Variants in SHQ1 observed in about 807,000 individuals in gnomAD.
SHQ1 encodes SHQ1, H/ACA ribonucleoprotein assembly factor, also known as protein SHQ1 homolog.
A neutral mutation model predicts 53.8 loss-of-function variants in SHQ1; 49 were observed. The ratio of observed to expected loss-of-function variants is 0.91; its 90% CI spans 0.72 to 1.16. The LOEUF is 1.16. SHQ1 is among the 50% of genes most tolerant of loss of function. SHQ1 has a pLI of 0.00. For synonymous variants in SHQ1, 243 were observed against 251.0 expected, an observed-to-expected ratio of 0.97 and a Z score of 0.30; for missense variants, 738 against 683.1, an observed-to-expected ratio of 1.08 and a Z score of -0.90.
the SHQ1 span, among the ~76,000 whole-genome samples, chr3:72,743,079 C>T: frequency 6.6e-6 from 1 of 152,202 alleles, no homozygotes; most frequent in African/African-American, 2.4e-5. Flanking sequence ...TAGAGATGCA[C>T]ATCCAGAATG....
chr3:72,825,365 C>CACAT (rs1177648052), intron 5 of SHQ1, among the ~76,000 whole-genome samples: 23 of 143,296 alleles, frequency 1.6e-4, no homozygotes, highest in African/African-American at 6.3e-4. Context: ...AGGGGCTACA[C>CACAT]ACACACACAC....
At chr3:72,807,669 A>G (rs887661320) in intron 9 of SHQ1, among the ~76,000 whole-genome samples, 2 of 152,200 alleles carry the variant, frequency 1.3e-5, no homozygotes, top group African/African-American at 2.4e-5. Flanking sequence ...GTCTCCTCCA[A>G]ACTTGGAGCT....
At chr3:72,840,456 T>C (rs948436262) in intron 4 of SHQ1, among the ~76,000 whole-genome samples, 2 of 150,482 alleles carry the variant, frequency 1.3e-5, no homozygotes, top group African/African-American at 4.9e-5. Context: ...CTCAGGAGGC[T>C]GAGGCAGAAG....
At chr3:72,831,319 T>C (rs17043990) in intron 5 of SHQ1, among the ~76,000 whole-genome samples, 4,539 of 152,290 alleles carry the variant, frequency 0.03, 197 homozygotes, top group African/African-American at 0.089. Context: ...TCACAGGAGA[T>C]AGAATGTTAA....
intron 10 of SHQ1, among the ~76,000 whole-genome samples, chr3:72,782,289 T>C (rs940927311): frequency 2.0e-5 from 3 of 152,246 alleles, no homozygotes; most frequent in African/African-American, 7.2e-5. Context: ...TTTCTCTCAA[T>C]GCTCTGCTAA....
chr3:72,828,068 C>T (rs1006040032), intron 5 of SHQ1, among the ~76,000 whole-genome samples: 2 of 152,012 alleles, frequency 1.3e-5, no homozygotes, highest in Non-Finnish European at 2.9e-5. Flanking sequence ...TCAAGACTTT[C>T]AAGGTCACTA....
rs1238021665 is a variant in SHQ1 at position 72,749,297 on chromosome 3, C to T, written c.*987G>A. The T allele has an allele frequency of 2.6e-5, 6 of 226,726 alleles. No individual in the cohort carries two copies. In the South Asian group the frequency reaches 9.2e-4, roughly 35 times the overall value. 14.0% of individuals were successfully genotyped at this position (226,726 alleles called of 1,614,324 possible). Reference sequence around the variant, plus strand: ...AAGACTTGTACACAAATGTTCATAACAGCTTTATTTATAACAGCCCCAAAC... The same window carrying T: ...AAGACTTGTACACAAATGTTCATAATAGCTTTATTTATAACAGCCCCAAAC... On this transcript the variant is annotated 3_prime_UTR_variant, in exon 11 of 11. Coordinates refer to ENST00000325599, the MANE Select transcript of SHQ1 (RefSeq NM_018130.3).
At chr3:72,833,447 TAG>T (rs1707885160) in intron 4 of SHQ1, among the ~76,000 whole-genome samples, 2 of 51,238 alleles carry the variant, frequency 3.9e-5, no homozygotes, top group Non-Finnish European at 7.4e-5. Context: ...TCAGAGATGA[TAG>T]ATAGATAGAT....
chr3:72,772,998 T>C (rs185271291), intron 10 of SHQ1: 106 of 1,176,416 alleles, frequency 9.0e-5, no homozygotes, highest in Non-Finnish European at 6.3e-5. Context: ...ATACTCAAAG[T>C]TCCAAATCTG....
chr3:72,776,100 C>T lies in SHQ1; in HGVS notation c.1181+16816G>A, dbSNP rs577893175. 1.9e-3 allele frequency among the ~76,000 whole-genome samples: 292 copies of T among 152,288 alleles called. 2 individuals are homozygous for T. The highest frequency in any genetic ancestry group is 6.6e-3 in the African/African-American group (275 of 41,568). ...GAAGAAACCAAACTGTCATTACTTG[C>T]ATTACTACTGCCTATATAGAAAACT... On this transcript the variant is annotated intron_variant, in intron 10 of 10. Coordinates refer to ENST00000325599, the MANE Select transcript of SHQ1 (RefSeq NM_018130.3).
chr3:72,738,805 G>A, the SHQ1 span, among the ~76,000 whole-genome samples: 63 of 152,326 alleles, frequency 4.1e-4, no homozygotes, highest in African/African-American at 1.4e-3. Flanking sequence ...CAAGCTTGGC[G>A]TCTGCCCCTG....
chr3:72,804,393 C>T (rs1308128708), intron 9 of SHQ1, among the ~76,000 whole-genome samples: 2 of 152,154 alleles, frequency 1.3e-5, no homozygotes, highest in Non-Finnish European at 2.9e-5. Context: ...AGCTGTTCTT[C>T]CTGATCCTCT....
the SHQ1 span, among the ~76,000 whole-genome samples, chr3:72,731,421 C>T: frequency 6.6e-6 from 1 of 151,516 alleles, no homozygotes; most frequent in Non-Finnish European, 1.5e-5. Flanking sequence ...CGCGGTGGCA[C>T]ATGCCTGTAA....
chr3:72,756,153 C>T (rs770120921), intron 10 of SHQ1, among the ~76,000 whole-genome samples: 14 of 151,910 alleles, frequency 9.2e-5, no homozygotes, highest in Non-Finnish European at 1.8e-4. Context: ...CCCACCTTGG[C>T]TTTCCCAGAG....
intron 10 of SHQ1, among the ~76,000 whole-genome samples, chr3:72,784,740 T>C (rs1706174314): frequency 6.6e-6 from 1 of 152,190 alleles, no homozygotes; most frequent in African/African-American, 2.4e-5. Context: ...CATACCAATG[T>C]AAAACCACCT....
chr3:72,756,919 C>G (rs536807623), intron 10 of SHQ1, among the ~76,000 whole-genome samples: 3 of 152,164 alleles, frequency 2.0e-5, no homozygotes, highest in East Asian at 3.9e-4. Flanking sequence ...TAAGCTGATA[C>G]AAAATTTCCT....
intron 5 of SHQ1, among the ~76,000 whole-genome samples, chr3:72,830,471 T>C (rs943646220): frequency 1.3e-5 from 2 of 152,084 alleles, no homozygotes; most frequent in Non-Finnish European, 2.9e-5. Context: ...TGAGCCTTTT[T>C]TTCTCCACTG....
In SHQ1 at chr3:72,817,279, A is replaced by G. The variant is rs1707346649; in HGVS notation, c.833T>C (p.Ile278Thr). The change falls in exon 7 of 11, where the codon ATC becomes ACC. Residue 278 changes from isoleucine to threonine, a missense_variant. Ile to Thr is a moderately conservative substitution (Grantham distance 89). Coordinates refer to ENST00000325599, the MANE Select transcript of SHQ1 (RefSeq NM_018130.3). The stretch of plus-strand genomic sequence containing the variant: ...GGTTTCATAGCAATATGCCAGAAGG[A>G]TATCAATCAAACTGTAGCACACTTG... ...CRQVCYSLID[I>T]LLAYCYETRV... 6.2e-7 allele frequency: 1 copy of G among 1,613,928 alleles called. No homozygotes were observed. Among genetic ancestry groups the G allele is most frequent in the African/African-American group, 1.3e-5 (1 of 75,052 alleles).
At chr3:72,815,309 C>G in intron 8 of SHQ1, 41 bp downstream of exon 8, 1 of 1,573,394 alleles carries the variant, frequency 6.4e-7, no homozygotes, top group Non-Finnish European at 8.7e-7. Flanking sequence ...AAATAACTTC[C>G]TGAACAACAA....
Sources: gnomAD v4.1 joint callset for allele counts (sites outside exome capture counted in the v4.1 genomes callset) on GRCh38, gnomAD v4.1.1 for gene constraint, MANE v1.5 for transcripts, NCBI Gene and HGNC (gene_info 2026-07-23, HGNC 2026-07-21) for gene names.